TNFRSF11B: variants seen among roughly 807,000 people sequenced by gnomAD.
TNFRSF11B encodes tumor necrosis factor receptor superfamily member 11B.
TNFRSF11B carries 16 observed loss-of-function variants against 43.4 expected under a neutral mutation model. The observed-to-expected ratio is 0.37, with a 90% confidence interval of 0.25 to 0.56. The LOEUF (loss-of-function observed/expected upper bound fraction) is 0.56. Ranked by LOEUF, TNFRSF11B falls within the 20% of genes least tolerant of loss-of-function variation. TNFRSF11B has a pLI of 0.80. For missense variants in TNFRSF11B, 444 were observed against 490.1 expected, an observed-to-expected ratio of 0.91 and a Z score of 0.89; for synonymous variants, 185 against 181.8, an observed-to-expected ratio of 1.02 and a Z score of -0.14.
chr8:118,924,684 A>G lies in TNFRSF11B; in HGVS notation c.896T>C (p.Met299Thr). 6.2e-7 allele frequency: 1 copy of G among 1,614,110 alleles called. No individual in the cohort carries two copies. Among genetic ancestry groups the G allele is most frequent in the Non-Finnish European group, 8.5e-7 (1 of 1,180,032 alleles). ...NLTFEQLRSL[M>T]ESLPGKKVGA... ...CACTTTCTTTCCCGGTAAGCTTTCC[A>G]TCAAGCTACGAAGCTGCTCGAAGGT... Residue 299 changes from methionine to threonine, a missense_variant, in exon 5 of 5, where the codon ATG becomes ACG. Transcript: ENST00000297350.
chr8:118,945,869 T>C (rs1812554889), intron 1 of TNFRSF11B, among the ~76,000 whole-genome samples: 1 of 152,140 alleles, frequency 6.6e-6, no homozygotes, highest in South Asian at 2.1e-4. Flanking sequence ...CCTATTTTCC[T>C]ATTTTATTGG....
intron 1 of TNFRSF11B, among the ~76,000 whole-genome samples, chr8:118,949,159 C>G (rs772468329): frequency 6.6e-6 from 1 of 152,068 alleles, no homozygotes; most frequent in Non-Finnish European, 1.5e-5. Context: ...CCATCCCTAC[C>G]TCCTTCCCTG....
At chr8:118,940,808 A>C (rs1445490530) in intron 1 of TNFRSF11B, among the ~76,000 whole-genome samples, 1 of 152,172 alleles carries the variant, frequency 6.6e-6, no homozygotes, top group Non-Finnish European at 1.5e-5. Flanking sequence ...GTATCTTCCC[A>C]ATTGGCATCA....
intron 2 of TNFRSF11B, among the ~76,000 whole-genome samples, chr8:118,932,011 C>T (rs1812336970): frequency 6.6e-6 from 1 of 151,996 alleles, no homozygotes; most frequent in African/African-American, 2.4e-5. Context: ...GACAGCTGCC[C>T]ACAAAAAGGA....
intron 1 of TNFRSF11B, among the ~76,000 whole-genome samples, chr8:118,944,665 C>T (rs1446794946): frequency 6.6e-6 from 1 of 151,888 alleles, no homozygotes; most frequent in Non-Finnish European, 1.5e-5. Flanking sequence ...GGAAACAGAG[C>T]GTGGGTGCAG....
At position 118,923,615 on chromosome 8, in the gene TNFRSF11B, C is replaced by G. The variant is rs548806357; in HGVS notation, c.*759G>C. 1 of 152,652 alleles carries G rather than the reference C, an allele frequency of 6.6e-6. No homozygotes were observed. The highest frequency in any genetic ancestry group is 2.4e-5 in the African/African-American group (1 of 41,566). The allele number at this position is 152,652 out of a possible 1,614,324, so 9.5% of individuals were successfully genotyped here. A position where few individuals can be genotyped will look rare whatever the true frequency, so the allele number is the denominator to read the frequency against. On this transcript the variant is annotated 3_prime_UTR_variant, in exon 5 of 5. Transcript: ENST00000297350. ...TTATATAGTTATAAAACCATAAAAT[C>G]TTTTAAATAAGGTACATTCAATTTC...
At chr8:118,934,870 G>A (rs1421749553) in intron 1 of TNFRSF11B, among the ~76,000 whole-genome samples, 1 of 152,184 alleles carries the variant, frequency 6.6e-6, no homozygotes, top group Non-Finnish European at 1.5e-5. Context: ...AATTAGGGGT[G>A]GCAAAGATAA....
chr8:118,932,658 C>CT (rs1158830118), intron 2 of TNFRSF11B, among the ~76,000 whole-genome samples: 1 of 102,810 alleles, frequency 9.7e-6, no homozygotes, highest in African/African-American at 5.6e-5. Flanking sequence ...GAGTTTGTTT[C>CT]TTTAAAAAAA....
At chr8:118,933,364 A>C in intron 1 of TNFRSF11B, 64 bp from the exon 2 acceptor site, 1 of 1,598,906 alleles carries the variant, frequency 6.3e-7, no homozygotes. Context: ...TCTTATGTGC[A>C]ACAGTATCAT....
At chr8:118,934,149 C>G (rs1172967969) in intron 1 of TNFRSF11B, among the ~76,000 whole-genome samples, 1 of 152,124 alleles carries the variant, frequency 6.6e-6, no homozygotes. Flanking sequence ...CAAGAAAATA[C>G]TGAAGAGTTG....
intron 1 of TNFRSF11B, among the ~76,000 whole-genome samples, chr8:118,950,531 G>A (rs1439161341): frequency 6.6e-6 from 1 of 152,186 alleles, no homozygotes; most frequent in Non-Finnish European, 1.5e-5. Flanking sequence ...CTCTTGAGGT[G>A]CCGATAATAT....
chr8:118,940,189 G>A (rs1812465274), intron 1 of TNFRSF11B, among the ~76,000 whole-genome samples: 1 of 152,174 alleles, frequency 6.6e-6, no homozygotes, highest in Non-Finnish European at 1.5e-5. Flanking sequence ...GTGGGGTGGG[G>A]GGAGCAGGGA....
chr8:118,945,276 T>TAGTGTG (rs1554618418), intron 1 of TNFRSF11B, among the ~76,000 whole-genome samples: 1 of 149,534 alleles, frequency 6.7e-6, no homozygotes, highest in Non-Finnish European at 1.5e-5. Flanking sequence ...TAATGCACAA[T>TAGTGTG]TGTGTGTGTG....
intron 4 of TNFRSF11B, among the ~76,000 whole-genome samples, chr8:118,925,718 C>G (rs1216421353): frequency 6.6e-6 from 1 of 152,158 alleles, no homozygotes; most frequent in Non-Finnish European, 1.5e-5. Context: ...TATGGAAACT[C>G]TTCTTCCTTT....
chr8:118,930,965 C>A (rs1244134558), intron 2 of TNFRSF11B, among the ~76,000 whole-genome samples: 1 of 152,094 alleles, frequency 6.6e-6, no homozygotes, highest in Non-Finnish European at 1.5e-5. Flanking sequence ...ATCTATCCAT[C>A]TAAGTAATGA....
At chr8:118,937,322 T>C (rs1287118055) in intron 1 of TNFRSF11B, among the ~76,000 whole-genome samples, 2 of 152,196 alleles carry the variant, frequency 1.3e-5, no homozygotes, top group Admixed American at 6.5e-5. Flanking sequence ...CCCTTCATAC[T>C]TCTTGTTCCA....
chr8:118,925,176 G>C (rs1006400558), intron 4 of TNFRSF11B, among the ~76,000 whole-genome samples: 1 of 152,164 alleles, frequency 6.6e-6, no homozygotes, highest in Non-Finnish European at 1.5e-5. Flanking sequence ...GTTAATTGCC[G>C]TAACTAGCCT....
chr8:118,928,994 A>G, intron 2 of TNFRSF11B, 65 bp from the exon 3 acceptor site: 1 of 1,484,150 alleles, frequency 6.7e-7, no homozygotes, highest in Non-Finnish European at 9.4e-7. Context: ...ATGCCCTCTT[A>G]ACACAGTTTT....
At chr8:118,937,968 TATA>T (rs11573883) in intron 1 of TNFRSF11B, among the ~76,000 whole-genome samples, 7,007 of 152,274 alleles carry the variant, frequency 0.046, 197 homozygotes, top group African/African-American at 0.073. Flanking sequence ...ATATTTAAGA[TATA>T]AGTATATAAT....
Sources: allele counts gnomAD v4.1 joint callset (sites outside exome capture counted in the v4.1 genomes callset), GRCh38; gene constraint gnomAD v4.1.1; transcripts MANE v1.5; gene names NCBI Gene and HGNC (gene_info 2026-07-23, HGNC 2026-07-21).